The following KIAA1328 variants were observed in gnomAD, a reference collection of about 807,000 sequenced individuals.
KIAA1328 encodes protein hinderin.
A neutral mutation model predicts 68.1 loss-of-function variants in KIAA1328; 52 were observed. The ratio of observed to expected loss-of-function variants is 0.76; its 90% confidence interval spans 0.61 to 0.96. The LOEUF is 0.96. KIAA1328 is among the 40% of genes least tolerant of loss of function. The probability of loss-of-function intolerance (pLI) is 0.00; values close to 1 mark genes in which losing one functional copy is unlikely to be tolerated. For synonymous variants in KIAA1328, 232 were observed against 239.4 expected, an observed-to-expected ratio of 0.97 and a Z score of 0.28; for missense variants, 641 against 677.6, an observed-to-expected ratio of 0.95 and a Z score of 0.60.
At chr18:36,848,267 A>G (rs1175943579) in intron 4 of KIAA1328, among the ~76,000 whole-genome samples, 2 of 151,612 alleles carry the variant, frequency 1.3e-5, no homozygotes, top group African/African-American at 4.8e-5. Context: ...TTTTCAGGTT[A>G]TAGGTTTTGT....
intron 7 of KIAA1328, among the ~76,000 whole-genome samples, chr18:37,083,773 T>C (rs1426231668): frequency 6.6e-6 from 1 of 152,202 alleles, no homozygotes; most frequent in African/African-American, 2.4e-5. Flanking sequence ...AGAATTCACA[T>C]TGAGACACTG....
chr18:37,070,624 G>A (rs1324997703), intron 7 of KIAA1328, among the ~76,000 whole-genome samples: 1 of 149,898 alleles, frequency 6.7e-6, no homozygotes. Flanking sequence ...AGGTTGGAGT[G>A]CAGTGGCACC....
intron 9 of KIAA1328, among the ~76,000 whole-genome samples, chr18:37,189,109 C>T (rs150599473): frequency 6.9e-4 from 105 of 152,192 alleles, no homozygotes; most frequent in African/African-American, 2.3e-3. Flanking sequence ...GAGGATAGTC[C>T]GAAGGCTCAA....
rs115637516 is a variant in KIAA1328, at chr18:37,196,804, A to G, written c.1523+23723A>G. 2.3e-3 allele frequency among the ~76,000 whole-genome samples: 356 copies of G among 152,124 alleles called. 2 individuals are homozygous for G. The highest frequency in any genetic ancestry group is 8.3e-3 in the African/African-American group (344 of 41,536). ...ATGCTGGTCTTGCAGAATTACTGTA[A>G]ATATTTTCTCATCTTCAATGTTTTG... On this transcript the variant is annotated intron_variant, in intron 9 of 9. Transcript: ENST00000280020.
chr18:36,999,084 A>G (rs1053263070), intron 6 of KIAA1328, among the ~76,000 whole-genome samples: 1 of 152,224 alleles, frequency 6.6e-6, no homozygotes, highest in African/African-American at 2.4e-5. Context: ...TATTTTTAAA[A>G]GGAACCAAAC....
chr18:37,193,712 G>A (rs2059950627), intron 9 of KIAA1328: 3 of 681,388 alleles, frequency 4.4e-6, no homozygotes, highest in Middle Eastern at 2.3e-4. Context: ...ATGTCCAGCT[G>A]GGTTAAATAC....
intron 6 of KIAA1328, among the ~76,000 whole-genome samples, chr18:37,010,957 T>C (rs1181881887): frequency 6.6e-6 from 1 of 152,112 alleles, no homozygotes; most frequent in African/African-American, 2.4e-5. Flanking sequence ...AGTGGTAAAA[T>C]TTTTTGGTTA....
intron 7 of KIAA1328, among the ~76,000 whole-genome samples, chr18:37,083,156 G>C (rs72892511): frequency 6.6e-6 from 1 of 152,074 alleles, no homozygotes; most frequent in African/African-American, 2.4e-5. Context: ...CACTACTGCT[G>C]TAGAGGCTAC....
At chr18:37,208,382 T>C (rs2060255444) in intron 9 of KIAA1328, among the ~76,000 whole-genome samples, 1 of 152,206 alleles carries the variant, frequency 6.6e-6, no homozygotes, top group African/African-American at 2.4e-5. Context: ...GCCACTAAAG[T>C]CTTTTGAATT....
chr18:36,957,981 T>C (rs2051494483), intron 5 of KIAA1328, among the ~76,000 whole-genome samples: 2 of 152,172 alleles, frequency 1.3e-5, no homozygotes, highest in Non-Finnish European at 2.9e-5. Context: ...CCCCTAACCC[T>C]TAGCAACCAC....
intron 7 of KIAA1328, among the ~76,000 whole-genome samples, chr18:37,126,791 A>G (rs929639572): frequency 6.6e-6 from 1 of 152,202 alleles, no homozygotes; most frequent in African/African-American, 2.4e-5. Context: ...TTAACTTACC[A>G]TTTGAAAATC....
intron 8 of KIAA1328, among the ~76,000 whole-genome samples, chr18:37,170,542 G>A (rs976390371): frequency 6.6e-6 from 1 of 152,178 alleles, no homozygotes; most frequent in Non-Finnish European, 1.5e-5. Context: ...TTTTGCTAAT[G>A]TAACTCTCTG....
chr18:37,222,645 CAT>C lies in KIAA1328; in HGVS notation c.*420_*421del. ...TGATTTAAAAGTAACCCCTTTGAAA[CAT>C]AAGCAGTTTCAGAAAGGCAGACTCT... On this transcript the variant is annotated 3_prime_UTR_variant, in exon 10 of 10. Transcript: ENST00000280020. The C allele has an allele frequency of 2.9e-6, 3 of 1,020,738 alleles. No individual in the cohort carries two copies. Among genetic ancestry groups the C allele is most frequent in the Non-Finnish European group, 3.5e-6 (3 of 852,032 alleles). 63.2% of individuals were successfully genotyped at this position (1,020,738 alleles called of 1,614,324 possible). A position where few individuals can be genotyped will look rare whatever the true frequency, so the allele number is the denominator to read the frequency against.
intron 6 of KIAA1328, among the ~76,000 whole-genome samples, chr18:37,041,246 ATT>A (rs2055233562): frequency 6.6e-6 from 1 of 151,914 alleles, no homozygotes; most frequent in Non-Finnish European, 1.5e-5. Context: ...ACTTACATAT[ATT>A]TATAATTATT....
chr18:37,177,580 G>A (rs752434932), intron 9 of KIAA1328, among the ~76,000 whole-genome samples: 2 of 152,088 alleles, frequency 1.3e-5, no homozygotes, highest in Non-Finnish European at 2.9e-5. Flanking sequence ...ACTGGAATTA[G>A]CCTGTTTCTA....
At chr18:37,043,280 TC>T (rs2055332679) in intron 6 of KIAA1328, among the ~76,000 whole-genome samples, 3 of 151,878 alleles carry the variant, frequency 2.0e-5, no homozygotes, top group South Asian at 2.1e-4. Context: ...TGGCTTTTTT[TC>T]CCCCCAAGTA....
chr18:36,964,458 T>C (rs1020945020), intron 6 of KIAA1328, among the ~76,000 whole-genome samples: 11 of 152,212 alleles, frequency 7.2e-5, no homozygotes, highest in Middle Eastern at 3.2e-3. Context: ...GTGCCTTAAA[T>C]AGCATATTAT....
intron 6 of KIAA1328, among the ~76,000 whole-genome samples, chr18:37,032,119 A>G (rs1187678136): frequency 1.3e-5 from 2 of 152,186 alleles, no homozygotes; most frequent in African/African-American, 4.8e-5. Context: ...GGCCAAGGCT[A>G]CAGTGATCTG....
intron 4 of KIAA1328, among the ~76,000 whole-genome samples, chr18:36,858,439 A>C (rs1329168821): frequency 2.0e-5 from 3 of 152,174 alleles, no homozygotes; most frequent in Admixed American, 2.0e-4. Flanking sequence ...TTTAGCTTTC[A>C]TTCAGCTTTC....
Sources: allele counts gnomAD v4.1 joint callset (sites outside exome capture counted in the v4.1 genomes callset), GRCh38; gene constraint gnomAD v4.1.1; transcripts MANE v1.5; gene names NCBI Gene and HGNC (gene_info 2026-07-23, HGNC 2026-07-21).